PTCHD4: variants seen among roughly 807,000 people sequenced by gnomAD.
PTCHD4 encodes the protein patched domain-containing protein 4.
A neutral mutation model predicts 58.1 loss-of-function variants in PTCHD4; 33 were observed. The observed-to-expected ratio is 0.57, with a 90% confidence interval of 0.43 to 0.76. The LOEUF (loss-of-function observed/expected upper bound fraction) is 0.76. Ranked by LOEUF, PTCHD4 falls within the 30% of genes least tolerant of loss-of-function variation. The pLI is 0.00. For synonymous variants in PTCHD4, 478 were observed against 409.6 expected (o/e 1.17, Z -2.02); for missense variants, 1,058 against 1,027.1 (o/e 1.03, Z -0.41).
rs1488924549 is a variant in PTCHD4 at position 47,868,734 on chromosome 6, T to C, written c.*9569A>G. On this transcript the variant is annotated 3_prime_UTR_variant, in exon 5 of 5. Transcript: ENST00000339488. ...TTAATTTTTCTGAGTTCTTATTTCA[T>C]TCCTTTCTAGCCATGCTTATTTTTA... Among the ~76,000 whole-genome samples the C allele has an allele frequency of 6.6e-6, 1 of 151,766 alleles. No homozygotes were observed. The highest frequency in any genetic ancestry group is 1.5e-5 in the Non-Finnish European group (1 of 67,800).
At position 47,872,905 on chromosome 6, in the gene PTCHD4, C is replaced by T. The variant is rs1485709076; in HGVS notation, c.*5398G>A. ...GTTTTATAAGAAAAGCAAGTGGCTT[C>T]TCTATCAGCAATAGAGAGTCCTCAT... On this transcript the variant is annotated 3_prime_UTR_variant, in exon 5 of 5. Transcript: ENST00000339488. Among the ~76,000 whole-genome samples the T allele has an allele frequency of 1.3e-5, 2 of 151,532 alleles. No individual in the cohort carries two copies. The highest frequency in any genetic ancestry group is 2.4e-5 in the African/African-American group (1 of 41,326).
intron 4 of PTCHD4, among the ~76,000 whole-genome samples, chr6:47,889,000 T>A (rs1361577670): frequency 3.0e-4 from 13 of 43,618 alleles, no homozygotes; most frequent in African/African-American, 1.2e-3. Flanking sequence ...TCATTTTTTA[T>A]GGCTGCATAG....
At chr6:48,098,008 C>T (rs1321724044) in intron 1 of PTCHD4, among the ~76,000 whole-genome samples, 1 of 152,096 alleles carries the variant, frequency 6.6e-6, no homozygotes, top group East Asian at 1.9e-4. Context: ...TAGTTGAGTT[C>T]CTGTACATCA....
Position 48,054,311 on chromosome 6 carries a change from T to C in PTCHD4, c.417+13919A>G, listed in dbSNP as rs548256328. 2.2e-4 allele frequency among the ~76,000 whole-genome samples: 34 copies of C among 152,244 alleles called. No individual in the cohort carries two copies. The South Asian group carries it at 6.6e-3, about 30-fold the overall frequency. On this transcript the variant is annotated intron_variant, in intron 3 of 4. Coordinates refer to ENST00000339488, the MANE Select transcript of PTCHD4 (RefSeq NM_001384253.1). ...GTCCTTAACAAAGCAATTTACAGCA[T>C]GTTGGAGTTGGCCTATAAATAACTC...
intron 4 of PTCHD4, among the ~76,000 whole-genome samples, chr6:47,961,378 A>G (rs111841152): frequency 0.033 from 5,017 of 150,614 alleles, 147 homozygotes; most frequent in African/African-American, 0.075. Flanking sequence ...TGCAACCTCC[A>G]CCTCCCAGGT....
chr6:47,959,558 G>A (rs1431374927), intron 4 of PTCHD4, among the ~76,000 whole-genome samples: 2 of 152,052 alleles, frequency 1.3e-5, no homozygotes, highest in Non-Finnish European at 2.9e-5. Flanking sequence ...TAAACCCATA[G>A]ACGCAAGAAA....
chr6:48,069,144 G>C lies in PTCHD4; in HGVS notation c.-187C>G, dbSNP rs1458826186. ...AAGCAGACATGTGCCCCATAAAGGG[G>C]GGGGGGGCTGAGGGGGGGAGAGGAG... On this transcript the variant is annotated 5_prime_UTR_variant, in exon 2 of 5. Transcript: ENST00000339488. Among the ~76,000 whole-genome samples the C allele has an allele frequency of 1.4e-5, 2 of 142,048 alleles. No homozygotes were observed. Among genetic ancestry groups the C allele is most frequent in the Non-Finnish European group, 3.1e-5 (2 of 64,664 alleles). 93.2% of individuals were successfully genotyped at this position (142,048 alleles called of 152,430 possible).
At chr6:48,056,042 A>C (rs1764393793) in intron 3 of PTCHD4, among the ~76,000 whole-genome samples, 1 of 152,258 alleles carries the variant, frequency 6.6e-6, no homozygotes, top group Non-Finnish European at 1.5e-5. Flanking sequence ...TGAATTAAAC[A>C]GATTCAGGCA....
intron 1 of PTCHD4, among the ~76,000 whole-genome samples, chr6:48,100,984 T>G (rs559239610): frequency 2.6e-5 from 4 of 151,854 alleles, no homozygotes; most frequent in Admixed American, 2.6e-4. Context: ...ACATAAAAAG[T>G]AATCAAAATA....
intron 1 of PTCHD4, among the ~76,000 whole-genome samples, chr6:48,102,414 G>A (rs9473242): frequency 6.6e-6 from 1 of 152,102 alleles, no homozygotes; most frequent in Non-Finnish European, 1.5e-5. Context: ...CAGCCAAAAC[G>A]TCCATTTTAA....
intron 1 of PTCHD4, among the ~76,000 whole-genome samples, chr6:48,099,118 G>T (rs1303434298): frequency 1.3e-5 from 2 of 152,178 alleles, no homozygotes; most frequent in African/African-American, 2.4e-5. Context: ...CTTCCTGGCA[G>T]TAATGAGGTT....
intron 4 of PTCHD4, among the ~76,000 whole-genome samples, chr6:47,897,109 C>T (rs186177173): frequency 2.6e-4 from 39 of 152,238 alleles, no homozygotes; most frequent in Admixed American, 5.2e-4. Context: ...TGATCGTTCC[C>T]TACTTCTTAT....
intron 1 of PTCHD4, among the ~76,000 whole-genome samples, chr6:48,105,596 G>C (rs1765700866): frequency 6.6e-6 from 1 of 151,632 alleles, no homozygotes; most frequent in Non-Finnish European, 1.5e-5. Context: ...AAATAACTAA[G>C]ATCAGAGCAG....
intron 4 of PTCHD4, among the ~76,000 whole-genome samples, chr6:47,903,705 A>C (rs1164897081): frequency 6.6e-6 from 1 of 152,230 alleles, no homozygotes; most frequent in African/African-American, 2.4e-5. Flanking sequence ...AGCAATAATC[A>C]AGGCAGAGCA....
In PTCHD4 at chr6:47,864,341, T is replaced by C. The variant is rs1046686734; in HGVS notation, c.*13962A>G. Among the ~76,000 whole-genome samples, 6 of 151,750 alleles carry C rather than the reference T, an allele frequency of 4.0e-5. No homozygotes were observed. Among genetic ancestry groups the C allele is most frequent in the Non-Finnish European group, 7.4e-5 (5 of 67,850 alleles). On this transcript the variant is annotated 3_prime_UTR_variant, in exon 5 of 5. Coordinates refer to ENST00000339488, the MANE Select transcript of PTCHD4 (RefSeq NM_001384253.1). The stretch of plus-strand genomic sequence containing the variant: ...ACACACACACACACATATATATATA[T>C]GGCTATTTCACCTACTAGTTTGCTT...
At chr6:48,084,039 TA>T (rs548591757) in intron 1 of PTCHD4, among the ~76,000 whole-genome samples, 239 of 148,932 alleles carry the variant, frequency 1.6e-3, no homozygotes, top group South Asian at 3.2e-3. Context: ...TAGCAGTGAT[TA>T]AAAAAAAAAC....
At chr6:47,956,361 A>T (rs1766860296) in intron 4 of PTCHD4, among the ~76,000 whole-genome samples, 1 of 152,246 alleles carries the variant, frequency 6.6e-6, no homozygotes, top group South Asian at 2.1e-4. Context: ...GCACAGAGAT[A>T]TAACTTGCTC....
chr6:47,915,950 A>G (rs973346434), intron 4 of PTCHD4, among the ~76,000 whole-genome samples: 2 of 152,126 alleles, frequency 1.3e-5, no homozygotes, highest in South Asian at 2.1e-4. Flanking sequence ...CTGCTGAAAG[A>G]TTTCCGAGCT....
In PTCHD4 at chr6:47,869,991, G is replaced by A. The variant is rs567022030; in HGVS notation, c.*8312C>T. On this transcript the variant is annotated 3_prime_UTR_variant, in exon 5 of 5. Transcript: ENST00000339488. ...ATTTAAGAATAACCTAGCTTTTACA[G>A]CATTTGTGATTGTGATTTTAAAAGA... Among the ~76,000 whole-genome samples the A allele has an allele frequency of 6.7e-4, 101 of 151,634 alleles. 1 individual carries two copies. The highest frequency in any genetic ancestry group is 1.5e-3 in the South Asian group (7 of 4,822).
Sources: allele counts gnomAD v4.1 joint callset (sites outside exome capture counted in the v4.1 genomes callset), GRCh38; gene constraint gnomAD v4.1.1; transcripts MANE v1.5; gene names NCBI Gene and HGNC (gene_info 2026-07-23, HGNC 2026-07-21).